Variants in GPAM observed in about 807,000 individuals in gnomAD.
GPAM encodes the protein glycerol-3-phosphate acyltransferase, mitochondrial, also known as glycerol-3-phosphate acyltransferase 1, mitochondrial.
GPAM carries 56 observed loss-of-function variants against 105.0 expected under a neutral mutation model. The ratio of observed to expected loss-of-function variants is 0.53; its 90% CI spans 0.43 to 0.67. The LOEUF (loss-of-function observed/expected upper bound fraction) is 0.67, where lower values mean the gene tolerates loss of function less well. Among genes scored for constraint, GPAM ranks in the 30% least tolerant of loss-of-function variants. The probability of loss-of-function intolerance (pLI) is 0.00; values close to 1 mark genes in which losing one functional copy is unlikely to be tolerated. For synonymous variants in GPAM, 368 were observed against 354.4 expected, an observed-to-expected ratio of 1.04 and a Z score of -0.43; for missense variants, 855 against 989.8, an observed-to-expected ratio of 0.86 and a Z score of 1.83.
upstream of GPAM, among the ~76,000 whole-genome samples, chr10:112,186,500 A>G (rs147535586): frequency 5.8e-4 from 88 of 152,004 alleles, no homozygotes; most frequent in Non-Finnish European, 8.2e-4. Context: ...ATACGTAGGT[A>G]AATAATTTTT....
chr10:112,159,854 T>A (rs1564674277), intron 17 of GPAM, 57 bp downstream of exon 17: 3 of 1,571,272 alleles, frequency 1.9e-6, no homozygotes, highest in Non-Finnish European at 2.6e-6. Context: ...GGGGGTTACG[T>A]TTTCATGAAA....
chr10:112,181,908 TG>T, intron 2 of GPAM, 95 bp from the exon 3 acceptor site: 1 of 686,240 alleles, frequency 1.5e-6, no homozygotes, highest in Non-Finnish European at 2.7e-6. Context: ...TGCTCCACAA[TG>T]GGATATCACA....
chr10:112,164,616 GA>G lies in GPAM; in HGVS notation c.1222-7del. The G allele has an allele frequency of 2.7e-6, 4 of 1,496,444 alleles. No individual in the cohort carries two copies. The highest frequency in any genetic ancestry group is 3.7e-6 in the Non-Finnish European group (4 of 1,073,306). 92.7% of individuals were successfully genotyped at this position (1,496,444 alleles called of 1,614,324 possible). A position where few individuals can be genotyped will look rare whatever the true frequency, so the allele number is the denominator to read the frequency against. On this transcript the variant is annotated splice_polypyrimidine_tract_variant and splice_region_variant and intron_variant, in intron 12 of 21. Transcript: ENST00000348367. ...CTTTGGCTTTCTAAATATTCCTGGA[GA>G]AAAAAACACAACATGATCATTTACC... is the stretch of plus-strand genomic sequence containing the variant.
At chr10:112,168,996 A>G in intron 9 of GPAM, 44 bp from the exon 10 acceptor site, 1 of 1,203,818 alleles carries the variant, frequency 8.3e-7, no homozygotes. Flanking sequence ...GAAAAATGTA[A>G]AAAGAATACT....
Position 112,172,968 on chromosome 10 carries a change from G to C in GPAM, c.657+2C>G. ...GGGTAATAGATTCACAGAAATTCTT[G>C]CCTCAGTTGCAGCTTTAACCATCTC... is the stretch of plus-strand genomic sequence containing the variant. On this transcript the variant is annotated splice_donor_variant, in intron 8 of 21. Transcript: ENST00000348367. LOFTEE classifies it high-confidence loss of function. 6.7e-7 allele frequency: 1 copy of C among 1,485,836 alleles called. No individual in the cohort carries two copies. Among genetic ancestry groups the C allele is most frequent in the South Asian group, 1.1e-5 (1 of 88,566 alleles). 92.0% of individuals were successfully genotyped at this position (1,485,836 alleles called of 1,614,324 possible).
At position 112,150,735 on chromosome 10, in the gene GPAM, C is replaced by A; in HGVS notation, c.*2815G>T. 1 of 982,302 alleles carries A rather than the reference C, an allele frequency of 1.0e-6. No homozygotes were observed. The highest frequency in any genetic ancestry group is 1.2e-6 in the Non-Finnish European group (1 of 827,128). The allele number at this position is 982,302 out of a possible 1,614,324, so 60.8% of individuals were successfully genotyped here. ...CTGCGCTAAAGTGCATTGTAAGTTTCCAGGTGCAAACTTGGTTTCCCAGCA... is the reference window on the plus strand; with the variant it reads ...CTGCGCTAAAGTGCATTGTAAGTTTACAGGTGCAAACTTGGTTTCCCAGCA... On this transcript the variant is annotated 3_prime_UTR_variant, in exon 22 of 22. Coordinates refer to ENST00000348367, the MANE Select transcript of GPAM (RefSeq NM_001244949.2).
At chr10:112,217,440 G>GTT (rs201314583), upstream of GPAM, among the ~76,000 whole-genome samples, 84 of 140,570 alleles carry the variant, frequency 6.0e-4, no homozygotes, top group African/African-American at 1.9e-3. Context: ...CGTTTTGTTT[G>GTT]TTTTTTTTTT....
At chr10:112,199,607 C>G (rs1200295544) in intron 1 of GPAM, among the ~76,000 whole-genome samples, 1 of 152,138 alleles carries the variant, frequency 6.6e-6, no homozygotes, top group Non-Finnish European at 1.5e-5. Flanking sequence ...AATCATTCCA[C>G]AATGTACATG....
upstream of GPAM, among the ~76,000 whole-genome samples, chr10:112,187,755 A>T (rs1847612503): frequency 1.3e-5 from 2 of 152,328 alleles, no homozygotes; most frequent in South Asian, 4.1e-4. Flanking sequence ...CAGGAAAATA[A>T]ACATTCAAGT....
chr10:112,190,218 A>G (rs908010476), intron 1 of GPAM, among the ~76,000 whole-genome samples: 4 of 152,174 alleles, frequency 2.6e-5, no homozygotes, highest in Non-Finnish European at 4.4e-5. Context: ...AGTCCCTACC[A>G]GTGTATCGCA....
Position 112,160,788 on chromosome 10 carries a change from G to A in GPAM, c.1575C>T (p.Phe525=). The A allele has an allele frequency of 6.2e-7, 1 of 1,613,920 alleles. No individual in the cohort carries two copies. The highest frequency in any genetic ancestry group is 8.5e-7 in the Non-Finnish European group (1 of 1,179,866). ...TTACTACATCTTCTGAATTTCCTGA[G>A]AACCCCAGGTCAAAATCACGAGCCA... ...EVLARDFDLG[F]SGNSEDVVMH... Residue 525 remains phenylalanine (F), a synonymous_variant, in exon 16 of 22, where the codon TTC becomes TTT. Coordinates refer to ENST00000348367, the MANE Select transcript of GPAM (RefSeq NM_001244949.2).
upstream of GPAM, among the ~76,000 whole-genome samples, chr10:112,216,192 G>C (rs202094613): frequency 1.3e-5 from 2 of 152,148 alleles, no homozygotes; most frequent in South Asian, 2.1e-4. Flanking sequence ...TGATATATTA[G>C]AGCTCAATAT....
chr10:112,174,745 C>T (rs1393069619), intron 6 of GPAM, among the ~76,000 whole-genome samples: 1 of 152,166 alleles, frequency 6.6e-6, no homozygotes, highest in East Asian at 1.9e-4. Flanking sequence ...CCCTAAAAAG[C>T]ATTCATTGCA....
intron 5 of GPAM, among the ~76,000 whole-genome samples, chr10:112,177,494 C>G (rs948532577): frequency 6.6e-6 from 1 of 152,188 alleles, no homozygotes; most frequent in South Asian, 2.1e-4. Context: ...GCTTACAAGC[C>G]TATCCCCATA....
chr10:112,215,127 A>G (rs577873123), intron 1 of GPAM: 34 of 152,206 alleles, frequency 2.2e-4, no homozygotes, highest in African/African-American at 8.2e-4. Context: ...ATGTCATGAC[A>G]TCCTAAGAAA....
chr10:112,225,664 T>C, the GPAM span, among the ~76,000 whole-genome samples: 1 of 152,116 alleles, frequency 6.6e-6, no homozygotes, highest in African/African-American at 2.4e-5. Context: ...GACCTCTCCA[T>C]ATAAAATGTC....
At position 112,152,550 on chromosome 10, in the gene GPAM, T is replaced by C; in HGVS notation, c.*1000A>G. The C allele has an allele frequency of 1.0e-6, 1 of 985,294 alleles. No individual in the cohort carries two copies. The highest frequency in any genetic ancestry group is 1.2e-6 in the Non-Finnish European group (1 of 829,782). The allele number at this position is 985,294 out of a possible 1,614,324, so 61.0% of individuals were successfully genotyped here. On this transcript the variant is annotated 3_prime_UTR_variant, in exon 22 of 22. Transcript: ENST00000348367. The stretch of plus-strand genomic sequence containing the variant: ...ACCAGTCACCTGGACTGGGGTGCAG[T>C]ACACAATCTGTGTGCAGTACAGAAA...
upstream of GPAM, among the ~76,000 whole-genome samples, chr10:112,185,409 T>C (rs73353071): frequency 5.1e-4 from 76 of 149,838 alleles, no homozygotes; most frequent in African/African-American, 1.6e-3. Context: ...ATTAAGAAAG[T>C]AATTATGACT....
Position 112,150,601 on chromosome 10 carries a change from A to C in GPAM, c.*2949T>G. On this transcript the variant is annotated 3_prime_UTR_variant, in exon 22 of 22. Transcript: ENST00000348367. ...TTTCCCAAAATGTTCTCCACAGGACATTAGTGAGAGGTTCATAAGTATCCC... is the reference window on the plus strand; with the variant it reads ...TTTCCCAAAATGTTCTCCACAGGACCTTAGTGAGAGGTTCATAAGTATCCC... 1 of 954,288 alleles carries C rather than the reference A, an allele frequency of 1.0e-6. No individual in the cohort carries two copies. The highest frequency in any genetic ancestry group is 1.2e-6 in the Non-Finnish European group (1 of 801,394). The allele number at this position is 954,288 out of a possible 1,614,324, so 59.1% of individuals were successfully genotyped here. A position where few individuals can be genotyped will look rare whatever the true frequency, so the allele number is the denominator to read the frequency against.
Sources: allele counts gnomAD v4.1 joint callset (sites outside exome capture counted in the v4.1 genomes callset), GRCh38; gene constraint gnomAD v4.1.1; transcripts MANE v1.5; gene names NCBI Gene and HGNC (gene_info 2026-07-23, HGNC 2026-07-21).